GSTZ1: variants seen among roughly 807,000 people sequenced by gnomAD.
The protein encoded by GSTZ1 is maleylacetoacetate isomerase.
In GSTZ1, 34 loss-of-function variants were observed where a neutral mutation model predicts 35.9. That is an observed-to-expected ratio of 0.95 (90% CI 0.72 to 1.26). GSTZ1 has a LOEUF of 1.26. Ranked by LOEUF, GSTZ1 falls within the 50% of genes most tolerant of loss-of-function variation. The probability of loss-of-function intolerance (pLI) is 0.00; values close to 1 mark genes in which losing one functional copy is unlikely to be tolerated. For missense variants in GSTZ1, 263 were observed against 271.7 expected (o/e 0.97, Z 0.23); for synonymous variants, 93 against 101.2 (o/e 0.92, Z 0.49).
chr14:77,326,819 T>C lies in GSTZ1; in HGVS notation c.68-19T>C. On this transcript the variant is annotated intron_variant, in intron 2 of 8. Transcript: ENST00000216465. ...GCGAGAGGCTGTTCTTTGACTCCGC[T>C]ATGTGCGGTCTCTCCTAGCTCTGGC... 6.3e-7 allele frequency: 1 copy of C among 1,582,470 alleles called. No individual in the cohort carries two copies. The highest frequency in any genetic ancestry group is 8.6e-7 in the Non-Finnish European group (1 of 1,157,170).
At chr14:77,321,670 T>G (rs1281351492) in intron 1 of GSTZ1, 2 of 388,198 alleles carry the variant, frequency 5.2e-6, no homozygotes, top group Non-Finnish European at 4.3e-6. Flanking sequence ...GATCACAAGG[T>G]CAGGAGATAG....
In GSTZ1 at chr14:77,331,403, G is replaced by A. The variant is rs1336898072; in HGVS notation, c.*208G>A. 3.5e-6 allele frequency: 2 copies of A among 563,464 alleles called. No homozygotes were observed. Among genetic ancestry groups the A allele is most frequent in the Admixed American group, 3.1e-5 (1 of 32,576 alleles). The allele number at this position is 563,464 out of a possible 1,614,324, so 34.9% of individuals were successfully genotyped here. A position where few individuals can be genotyped will look rare whatever the true frequency, so the allele number is the denominator to read the frequency against. On this transcript the variant is annotated 3_prime_UTR_variant, in exon 9 of 9. Transcript: ENST00000216465. ...GTAGGGAGATGCGGGGAGCAGGGTG[G>A]GCAGGAATACTGTTATCTATGTGAC...
chr14:77,325,069 C>T (rs1420499877), intron 2 of GSTZ1, 148 bp downstream of exon 2: 1 of 688,748 alleles, frequency 1.5e-6, no homozygotes, highest in African/African-American at 1.8e-5. Context: ...GCTCCTAGAA[C>T]CCCCATCCCT....
chr14:77,321,146 G>C lies in GSTZ1; in HGVS notation c.-23G>C. ...AGGCGCGAAGTTTCTCGGCCTGGAG[G>C]AGGGGGTCGCGCGAAGTGCCAGATG... On this transcript the variant is annotated 5_prime_UTR_variant, in exon 1 of 9. Transcript: ENST00000216465. 1 of 1,454,388 alleles carries C rather than the reference G, an allele frequency of 6.9e-7. No individual in the cohort carries two copies. Among genetic ancestry groups the C allele is most frequent in the Non-Finnish European group, 9.1e-7 (1 of 1,097,284 alleles). The allele number at this position is 1,454,388 out of a possible 1,614,324, so 90.1% of individuals were successfully genotyped here.
At chr14:77,327,781 C>T (rs1218245332) in intron 4 of GSTZ1, 131 bp from the exon 5 acceptor site, 3 of 913,498 alleles carry the variant, frequency 3.3e-6, no homozygotes, top group Non-Finnish European at 3.4e-6. Flanking sequence ...AGGGCTTGAG[C>T]TGAGCAGAAG....
chr14:77,322,978 AGGGATACACATGTTTTGGT>A (rs1196901636), intron 1 of GSTZ1: 1 of 151,614 alleles, frequency 6.6e-6, no homozygotes, highest in Non-Finnish European at 1.5e-5. Flanking sequence ...CCCTATCCAT[AGGGATACACATGTTTTGGT>A]GGGAAGATTC....
rs1046273309 is a variant in GSTZ1 at position 77,321,041 on chromosome 14, C to G, written c.-128C>G. The G allele has an allele frequency of 1.4e-5, 15 of 1,061,452 alleles. No homozygotes were observed. Among genetic ancestry groups the G allele is most frequent in the Non-Finnish European group, 2.0e-5 (15 of 757,508 alleles). The allele number at this position is 1,061,452 out of a possible 1,614,324, so 65.8% of individuals were successfully genotyped here. A position where few individuals can be genotyped will look rare whatever the true frequency, so the allele number is the denominator to read the frequency against. On this transcript the variant is annotated 5_prime_UTR_variant, in exon 1 of 9. Transcript: ENST00000216465. ...AGGCGACCGGAAGGATCTTTCTAGT[C>G]CAGCCCCTCGCTTTACCCGGACGAA...
rs1891908337 is a variant in GSTZ1, at chr14:77,321,135, T to C, written c.-34T>C. On this transcript the variant is annotated 5_prime_UTR_variant, in exon 1 of 9. Coordinates refer to ENST00000216465, the MANE Select transcript of GSTZ1 (RefSeq NM_145870.3). ...CGGCAGGTCCCAGGCGCGAAGTTTCTCGGCCTGGAGGAGGGGGTCGCGCGA... is the reference window on the plus strand; with the variant it reads ...CGGCAGGTCCCAGGCGCGAAGTTTCCCGGCCTGGAGGAGGGGGTCGCGCGA... 3 of 1,445,106 alleles carry C rather than the reference T, an allele frequency of 2.1e-6. No homozygotes were observed. The highest frequency in any genetic ancestry group is 2.7e-6 in the Non-Finnish European group (3 of 1,094,002). 89.5% of individuals were successfully genotyped at this position (1,445,106 alleles called of 1,614,324 possible).
Position 77,327,527 on chromosome 14 carries a change from T to A in GSTZ1, c.191T>A (p.Ile64Asn). 1 of 1,607,700 alleles carries A rather than the reference T, an allele frequency of 6.2e-7. No individual in the cohort carries two copies. Among genetic ancestry groups the A allele is most frequent in the Non-Finnish European group, 8.5e-7 (1 of 1,176,310 alleles). ...NPMKQVPTLK[I>N]DGITIHQSLA... is the part of the protein sequence containing the mutation. ...ATGAAGCAGGTGCCAACCCTGAAGATTGATGGAATCACCATTCACCAGTCA... is the reference window on the plus strand; with the variant it reads ...ATGAAGCAGGTGCCAACCCTGAAGAATGATGGAATCACCATTCACCAGTCA... The change falls in exon 4 of 9, where the codon ATT (isoleucine) becomes AAT (asparagine). Residue 64 changes from isoleucine (I) to asparagine (N), a missense_variant. Ile to Asn is a moderately radical substitution (Grantham distance 149). Coordinates refer to ENST00000216465, the MANE Select transcript of GSTZ1 (RefSeq NM_145870.3).
chr14:77,325,034 C>T, intron 2 of GSTZ1, 113 bp downstream of exon 2: 1 of 860,188 alleles, frequency 1.2e-6, no homozygotes. Flanking sequence ...GAGAGGACCT[C>T]ACCCCCAGCA....
chr14:77,324,670 A>G, intron 1 of GSTZ1, 200 bp from the exon 2 acceptor site: 1 of 1,366,616 alleles, frequency 7.3e-7, no homozygotes, highest in Non-Finnish European at 1.0e-6. Flanking sequence ...GGCCTCTTGG[A>G]CCTCAGGAGC....
chr14:77,325,203 A>G (rs1892258618), intron 2 of GSTZ1: 2 of 414,544 alleles, frequency 4.8e-6, no homozygotes, highest in Non-Finnish European at 9.0e-6. Context: ...TGTTTAAAGC[A>G]GGGTCACAAA....
chr14:77,323,217 T>C (rs1254058552), intron 1 of GSTZ1: 1 of 152,192 alleles, frequency 6.6e-6, no homozygotes, highest in East Asian at 1.9e-4. Context: ...CGCTGGTTGA[T>C]GGGGGCCATT....
chr14:77,327,696 T>C, intron 4 of GSTZ1, 144 bp downstream of exon 4: 1 of 739,094 alleles, frequency 1.4e-6, no homozygotes, highest in South Asian at 1.7e-5. Flanking sequence ...GGGTGCGAGG[T>C]TATTTAGGAA....
At chr14:77,330,075 C>T (rs888049782) in intron 7 of GSTZ1, 7 of 678,384 alleles carry the variant, frequency 1.0e-5, no homozygotes, top group East Asian at 8.1e-5. Context: ...CTTCTCTGGC[C>T]CTCTCAACCC....
At position 77,327,455 on chromosome 14, in the gene GSTZ1, G is replaced by C; in HGVS notation, c.136-17G>C. 2 of 1,581,924 alleles carry C rather than the reference G, an allele frequency of 1.3e-6. No individual in the cohort carries two copies. The highest frequency in any genetic ancestry group is 4.5e-5 in the East Asian group (2 of 44,544). On this transcript the variant is annotated splice_polypyrimidine_tract_variant and intron_variant, in intron 3 of 8. Coordinates refer to ENST00000216465, the MANE Select transcript of GSTZ1 (RefSeq NM_145870.3). ...TCAGGCCAGGCCACCCAGCCCACCA[G>C]GGCCTTGTCTCCACAGTTTTCTAAG...
intron 1 of GSTZ1, among the ~76,000 whole-genome samples, chr14:77,322,332 G>A (rs1343135660): frequency 6.6e-6 from 1 of 152,214 alleles, no homozygotes. Flanking sequence ...AAGGAACGGG[G>A]CATGGTTTAC....
In GSTZ1 at chr14:77,324,861, TCTC is replaced by T; in HGVS notation, c.16-5_16-3del. The T allele has an allele frequency of 6.2e-7, 1 of 1,613,894 alleles. No individual in the cohort carries two copies. Among genetic ancestry groups the T allele is most frequent in the Non-Finnish European group, 8.5e-7 (1 of 1,179,746 alleles). On this transcript the variant is annotated splice_polypyrimidine_tract_variant and splice_region_variant and intron_variant, in intron 1 of 8. Coordinates refer to ENST00000216465, the MANE Select transcript of GSTZ1 (RefSeq NM_145870.3). Reference sequence around the variant, plus strand: ...GGTTAACACGCGCCTTCATCCTCTCTCTCCTCAGCCCATCCTCTATTCCTATTT... The same window carrying T: ...GGTTAACACGCGCCTTCATCCTCTCTCTCAGCCCATCCTCTATTCCTATTT...
rs1371473268 is a variant in GSTZ1 at position 77,321,133 on chromosome 14, T to A, written c.-36T>A. On this transcript the variant is annotated 5_prime_UTR_variant, in exon 1 of 9. Coordinates refer to ENST00000216465, the MANE Select transcript of GSTZ1 (RefSeq NM_145870.3). ...GTCGGCAGGTCCCAGGCGCGAAGTT[T>A]CTCGGCCTGGAGGAGGGGGTCGCGC... The A allele has an allele frequency of 6.9e-7, 1 of 1,445,262 alleles. No individual in the cohort carries two copies. The highest frequency in any genetic ancestry group is 9.1e-7 in the Non-Finnish European group (1 of 1,094,154). 89.5% of individuals were successfully genotyped at this position (1,445,262 alleles called of 1,614,324 possible).
Sources: gnomAD v4.1 joint callset for allele counts (sites outside exome capture counted in the v4.1 genomes callset) on GRCh38, gnomAD v4.1.1 for gene constraint, MANE v1.5 for transcripts, NCBI Gene and HGNC (gene_info 2026-07-23, HGNC 2026-07-21) for gene names.